Variants in CMKLR1 observed in about 807,000 individuals in gnomAD.
CMKLR1 encodes the protein chemerin-like receptor 1.
A neutral mutation model predicts 8.2 loss-of-function variants in CMKLR1; 6 were observed. The ratio of observed to expected loss-of-function variants is 0.73; its 90% CI spans 0.40 to 1.44. CMKLR1 has a LOEUF of 1.44. Ranked by LOEUF, CMKLR1 falls within the 40% of genes most tolerant of loss-of-function variation. The pLI, the probability that CMKLR1 is intolerant of heterozygous loss-of-function variation, is 0.02. For synonymous variants in CMKLR1, 178 were observed against 181.2 expected, an observed-to-expected ratio of 0.98 and a Z score of 0.14; for missense variants, 429 against 478.0, an observed-to-expected ratio of 0.90 and a Z score of 0.96.
chr12:108,313,464 G>C (rs1891636947), intron 2 of CMKLR1, among the ~76,000 whole-genome samples: 1 of 152,178 alleles, frequency 6.6e-6, no homozygotes, highest in African/African-American at 2.4e-5. Context: ...GTGAATCCCA[G>C]CTTGGCCCTT....
In CMKLR1 at chr12:108,288,117, T is replaced by C. The variant is rs1890853799; in HGVS notation, c.*3724A>G. On this transcript the variant is annotated 3_prime_UTR_variant, in exon 4 of 4. Transcript: ENST00000550402. ...GAAGTAAGAAGACCCCCTGCTGAAT[T>C]ATTTCACAGTAGAAATAGTAGATTC... 1 of 152,200 alleles carries C rather than the reference T, an allele frequency of 6.6e-6. No homozygotes were observed. Among genetic ancestry groups the C allele is most frequent in the Non-Finnish European group, 1.5e-5 (1 of 68,034 alleles). 9.4% of individuals were successfully genotyped at this position (152,200 alleles called of 1,614,324 possible). A position where few individuals can be genotyped will look rare whatever the true frequency, so the allele number is the denominator to read the frequency against.
intron 2 of CMKLR1, among the ~76,000 whole-genome samples, chr12:108,327,101 C>T (rs1014894624): frequency 1.3e-5 from 2 of 152,150 alleles, no homozygotes; most frequent in Admixed American, 1.3e-4. Context: ...AACTGTAACA[C>T]GATAGAACCC....
intron 2 of CMKLR1, among the ~76,000 whole-genome samples, chr12:108,303,515 G>T (rs34408000): frequency 0.23 from 35,176 of 152,150 alleles, 4,448 homozygotes; most frequent in East Asian, 0.37. Flanking sequence ...CGTGCCCAAG[G>T]TCACACAGAG....
intron 2 of CMKLR1, among the ~76,000 whole-genome samples, chr12:108,302,137 C>T (rs1891293484): frequency 6.6e-6 from 1 of 152,158 alleles, no homozygotes; most frequent in Non-Finnish European, 1.5e-5. Flanking sequence ...ACCCCCAAAC[C>T]CAGGCATATG....
chr12:108,325,495 G>A (rs764083325), intron 2 of CMKLR1, among the ~76,000 whole-genome samples: 1 of 152,118 alleles, frequency 6.6e-6, no homozygotes, highest in Non-Finnish European at 1.5e-5. Context: ...TTCCCCAATG[G>A]GTAAATAGCT....
At chr12:108,324,572 A>G (rs1360381240) in intron 2 of CMKLR1, among the ~76,000 whole-genome samples, 1 of 152,204 alleles carries the variant, frequency 6.6e-6, no homozygotes, top group Admixed American at 6.5e-5. Context: ...AAGACTTCCA[A>G]GGGGCTCCAC....
chr12:108,327,206 G>A (rs923629980), intron 2 of CMKLR1, among the ~76,000 whole-genome samples: 5 of 152,224 alleles, frequency 3.3e-5, no homozygotes, highest in Non-Finnish European at 7.3e-5. Flanking sequence ...GGCCAGGCAC[G>A]GTGGCTCATG....
intron 2 of CMKLR1, 61 bp downstream of exon 2, chr12:108,329,934 T>C (rs192873825): frequency 1.3e-5 from 2 of 152,310 alleles, no homozygotes; most frequent in East Asian, 1.9e-4. Flanking sequence ...TGTTTTAAGA[T>C]GAAGATGGTA....
intron 2 of CMKLR1, among the ~76,000 whole-genome samples, chr12:108,328,840 A>T (rs1443227512): frequency 1.3e-5 from 2 of 152,178 alleles, no homozygotes; most frequent in African/African-American, 4.8e-5. Context: ...TAAAGACATC[A>T]CCAAATGGCC....
chr12:108,292,461 A>T lies in CMKLR1; in HGVS notation c.502T>A (p.Phe168Ile), dbSNP rs116316255. 3.1e-4 allele frequency: 494 copies of T among 1,614,152 alleles called. No homozygotes were observed. In the African/African-American group the frequency reaches 5.9e-3, roughly 19 times the overall value. ...ACGAGAGATGGGGAACTCAAGAAGA[A>T]AGCCAGGACCCAGATGACCATGCAG... The part of the protein sequence containing the change: ...MACMVIWVLA[F>I]FLSSPSLVFR... Residue 168 changes from phenylalanine (F) to isoleucine (I), a missense_variant, in exon 4 of 4, where the codon TTC (phenylalanine) becomes ATC (isoleucine). Transcript: ENST00000550402.
At chr12:108,316,567 C>T (rs187427412) in intron 2 of CMKLR1, among the ~76,000 whole-genome samples, 49 of 152,248 alleles carry the variant, frequency 3.2e-4, no homozygotes, top group Non-Finnish European at 6.3e-4. Flanking sequence ...AAGAAAGGGA[C>T]AAGGCTAAAA....
Position 108,291,961 on chromosome 12 carries a change from C to A in CMKLR1, c.1002G>T (p.Leu334=), listed in dbSNP as rs1890982642. The A allele has an allele frequency of 6.2e-7, 1 of 1,614,000 alleles. No individual in the cohort carries two copies. The highest frequency in any genetic ancestry group is 1.3e-5 in the African/African-American group (1 of 74,878). ...KKFKVALFSR[L]VNALSEDTGH... ...CTGTATCTTCACTTAGAGCATTGAC[C>A]AGGCGAGAGAAGAGGGCCACCTTGA... Residue 334 remains leucine, a synonymous_variant, in exon 4 of 4, where the codon CTG becomes CTT. Transcript: ENST00000550402.
intron 2 of CMKLR1, among the ~76,000 whole-genome samples, chr12:108,327,047 T>G (rs996744632): frequency 1.4e-4 from 21 of 151,936 alleles, no homozygotes; most frequent in Admixed American, 9.2e-4. Context: ...CAGCTGGTAA[T>G]CAAGGGACTC....
intron 2 of CMKLR1, among the ~76,000 whole-genome samples, chr12:108,305,006 C>A (rs1010720801): frequency 1.3e-5 from 2 of 152,238 alleles, no homozygotes; most frequent in Non-Finnish European, 2.9e-5. Flanking sequence ...CCCCACATGA[C>A]CCACCCTGAC....
chr12:108,295,820 A>C (rs905167856), intron 2 of CMKLR1, among the ~76,000 whole-genome samples: 1 of 152,214 alleles, frequency 6.6e-6, no homozygotes, highest in African/African-American at 2.4e-5. Context: ...GCAGAGATGC[A>C]GCCTGAAGCA....
chr12:108,320,910 C>G (rs1286241538), intron 2 of CMKLR1, among the ~76,000 whole-genome samples: 2 of 152,254 alleles, frequency 1.3e-5, no homozygotes, highest in African/African-American at 4.8e-5. Flanking sequence ...CAAAGAACAA[C>G]AGGATGGTAT....
intron 2 of CMKLR1, among the ~76,000 whole-genome samples, chr12:108,309,409 T>C (rs893300223): frequency 6.6e-6 from 1 of 151,874 alleles, no homozygotes; most frequent in Non-Finnish European, 1.5e-5. Context: ...TGGAAGAGCA[T>C]GGTAGGCAGT....
Position 108,331,767 on chromosome 12 carries a change from G to T in CMKLR1, c.-286-1560C>A, listed in dbSNP as rs960964053. Among the ~76,000 whole-genome samples the T allele has an allele frequency of 5.3e-5, 8 of 152,286 alleles. No homozygotes were observed. In the South Asian group the frequency reaches 8.3e-4, roughly 16 times the overall value. The stretch of plus-strand genomic sequence containing the variant: ...TGCGGTTGCTGGCTTTGAAGGCTGG[G>T]GAAGGGGACCATGAGTCAAGGAATG... On this transcript the variant is annotated intron_variant, in intron 1 of 3. Transcript: ENST00000550402.
chr12:108,296,522 G>A (rs1214931506), intron 2 of CMKLR1, among the ~76,000 whole-genome samples: 1 of 152,116 alleles, frequency 6.6e-6, no homozygotes, highest in East Asian at 1.9e-4. Flanking sequence ...GGGATCAAGG[G>A]CAGGTCAGAA....
Sources: allele counts gnomAD v4.1 joint callset (sites outside exome capture counted in the v4.1 genomes callset), GRCh38; gene constraint gnomAD v4.1.1; transcripts MANE v1.5; gene names NCBI Gene and HGNC (gene_info 2026-07-23, HGNC 2026-07-21).